Variants in R3HDM2 observed in about 807,000 individuals in gnomAD.
R3HDM2 encodes the protein R3H domain-containing protein 2.
R3HDM2 carries 38 observed loss-of-function variants against 124.5 expected under a neutral mutation model. The ratio of observed to expected loss-of-function variants is 0.31; its 90% CI spans 0.24 to 0.40. R3HDM2 has a LOEUF of 0.40. Among genes scored for constraint, R3HDM2 ranks in the 10% least tolerant of loss-of-function variants. R3HDM2 has a pLI of 1.00. For synonymous variants in R3HDM2, 391 were observed against 448.0 expected (o/e 0.87, Z 1.61); for missense variants, 869 against 1,236.9 (o/e 0.70, Z 4.46).
intron 2 of R3HDM2, among the ~76,000 whole-genome samples, chr12:57,335,370 G>C: frequency 6.6e-6 from 1 of 151,516 alleles, no homozygotes; most frequent in East Asian, 2.0e-4. Flanking sequence ...ACCACACCTG[G>C]CTAATTTTTG....
At chr12:57,390,699 A>G (rs943930371) in intron 2 of R3HDM2, among the ~76,000 whole-genome samples, 3 of 151,856 alleles carry the variant, frequency 2.0e-5, no homozygotes, top group Non-Finnish European at 1.5e-5. Flanking sequence ...CCGTCTCAAA[A>G]AAAAAGGAAG....
chr12:57,270,253 C>T (rs1460170915), intron 14 of R3HDM2, among the ~76,000 whole-genome samples: 1 of 152,088 alleles, frequency 6.6e-6, no homozygotes, highest in Non-Finnish European at 1.5e-5. Flanking sequence ...GACACAGTCT[C>T]ATTTTGTTGC....
chr12:57,408,575 C>T lies in R3HDM2; in HGVS notation c.-105-12757G>A, dbSNP rs956410656. Reference sequence around the variant, plus strand: ...GTTAAACCCTGTCTCTATTTAAAAACAAAAACAAAACAATAAGGGAGGTAC... The same window carrying T: ...GTTAAACCCTGTCTCTATTTAAAAATAAAAACAAAACAATAAGGGAGGTAC... On this transcript the variant is annotated intron_variant, in intron 1 of 23. Transcript: ENST00000402412. Among the ~76,000 whole-genome samples, 16 of 151,934 alleles carry T rather than the reference C, an allele frequency of 1.1e-4. No individual in the cohort carries two copies. The South Asian group carries it at 1.2e-3, about 12-fold the overall frequency.
At chr12:57,290,786 A>G (rs1227195976) in intron 11 of R3HDM2, among the ~76,000 whole-genome samples, 1 of 151,908 alleles carries the variant, frequency 6.6e-6, no homozygotes, top group Non-Finnish European at 1.5e-5. Flanking sequence ...CTAATTTTGT[A>G]TTTTTAGTAG....
intron 14 of R3HDM2, among the ~76,000 whole-genome samples, chr12:57,271,478 G>A (rs1490419180): frequency 7.2e-5 from 11 of 151,958 alleles, no homozygotes; most frequent in Middle Eastern, 6.8e-3. Context: ...ACAACTAGCA[G>A]AAACCAAAAG....
At chr12:57,316,006 C>T (rs1481951214) in intron 2 of R3HDM2, among the ~76,000 whole-genome samples, 1 of 152,156 alleles carries the variant, frequency 6.6e-6, no homozygotes, top group Non-Finnish European at 1.5e-5. Flanking sequence ...GTGGTCCTAG[C>T]TACTTAGTTG....
intron 14 of R3HDM2, chr12:57,272,652 G>T: frequency 2.2e-6 from 1 of 450,248 alleles, no homozygotes; most frequent in Non-Finnish European, 3.9e-6. Flanking sequence ...AGATGGGGAG[G>T]GAAAGGGAAG....
chr12:57,285,039 T>A (rs2047016192), intron 12 of R3HDM2, among the ~76,000 whole-genome samples: 1 of 152,112 alleles, frequency 6.6e-6, no homozygotes, highest in South Asian at 2.1e-4. Flanking sequence ...CAACAACTAA[T>A]GACCTAAGGA....
chr12:57,370,930 GA>G (rs2063281686), intron 2 of R3HDM2, among the ~76,000 whole-genome samples: 1 of 151,982 alleles, frequency 6.6e-6, no homozygotes, highest in Admixed American at 6.6e-5. Flanking sequence ...TGAATGGAAT[GA>G]TAATAAAAGA....
chr12:57,257,098 C>T (rs1375244142), intron 21 of R3HDM2, among the ~76,000 whole-genome samples: 4 of 152,110 alleles, frequency 2.6e-5, no homozygotes, highest in Admixed American at 6.6e-5. Context: ...GGATTACAAG[C>T]GTTAGCCACT....
At position 57,395,823 on chromosome 12, in the gene R3HDM2, G is replaced by C; in HGVS notation, c.-105-5C>G. On this transcript the variant is annotated splice_polypyrimidine_tract_variant and splice_region_variant and intron_variant, in intron 1 of 23. Transcript: ENST00000402412. Reference sequence around the variant, plus strand: ...TATAAGAAACAAGTCTAACCTCTGGGGGAGGAGGGGGAAAAAAAAAAACAA... The same window carrying C: ...TATAAGAAACAAGTCTAACCTCTGGCGGAGGAGGGGGAAAAAAAAAAACAA... The C allele has an allele frequency of 1.0e-6, 1 of 984,064 alleles. No individual in the cohort carries two copies. The highest frequency in any genetic ancestry group is 1.2e-6 in the Non-Finnish European group (1 of 829,052). The allele number at this position is 984,064 out of a possible 1,614,324, so 61.0% of individuals were successfully genotyped here.
intron 1 of R3HDM2, among the ~76,000 whole-genome samples, chr12:57,426,019 GGAGTTC>G (rs1266379060): frequency 6.6e-6 from 1 of 152,148 alleles, no homozygotes; most frequent in African/African-American, 2.4e-5. Context: ...CCTGAGGTTA[GGAGTTC>G]GAGAGTGGCC....
At chr12:57,262,193 T>G (rs1470467368) in intron 19 of R3HDM2, among the ~76,000 whole-genome samples, 2 of 152,186 alleles carry the variant, frequency 1.3e-5, no homozygotes, top group Non-Finnish European at 2.9e-5. Flanking sequence ...TTTTCCTTTT[T>G]TTGGTGGGGG....
At chr12:57,316,751 A>ATT (rs778925176) in intron 2 of R3HDM2, among the ~76,000 whole-genome samples, 17 of 132,670 alleles carry the variant, frequency 1.3e-4, no homozygotes, top group African/African-American at 4.5e-4. Flanking sequence ...ACGCCCAGCT[A>ATT]TTTTTTTTTT....
chr12:57,257,578 G>A (rs1365329484), intron 21 of R3HDM2, among the ~76,000 whole-genome samples: 2 of 152,166 alleles, frequency 1.3e-5, no homozygotes, highest in African/African-American at 4.8e-5. Context: ...ACATCACAAA[G>A]CTAGTTAGTG....
chr12:57,403,677 G>T (rs1237818978), intron 1 of R3HDM2, among the ~76,000 whole-genome samples: 2 of 151,864 alleles, frequency 1.3e-5, no homozygotes, highest in African/African-American at 4.8e-5. Context: ...GAGTGTGGTG[G>T]CTCACACCTG....
At chr12:57,295,215 G>T (rs2049489828) in intron 10 of R3HDM2, among the ~76,000 whole-genome samples, 184 bp downstream of exon 10, 1 of 152,104 alleles carries the variant, frequency 6.6e-6, no homozygotes, top group Non-Finnish European at 1.5e-5. Flanking sequence ...GGGCTAAGAG[G>T]GTGGCATCCA....
chr12:57,306,769 C>T (rs2138943245), intron 3 of R3HDM2, among the ~76,000 whole-genome samples: 1 of 152,252 alleles, frequency 6.6e-6, no homozygotes, highest in Admixed American at 6.5e-5. Context: ...AATCCCAGCA[C>T]TTTGGGAGGC....
At chr12:57,363,663 A>C (rs1290931046) in intron 2 of R3HDM2, among the ~76,000 whole-genome samples, 2 of 152,234 alleles carry the variant, frequency 1.3e-5, no homozygotes, top group East Asian at 3.8e-4. Flanking sequence ...GAGTATCAAA[A>C]CATCATCACT....
Sources: gnomAD v4.1 joint callset for allele counts (sites outside exome capture counted in the v4.1 genomes callset) on GRCh38, gnomAD v4.1.1 for gene constraint, MANE v1.5 for transcripts, NCBI Gene and HGNC (gene_info 2026-07-23, HGNC 2026-07-21) for gene names.